Variants in SPMIP7 observed in about 807,000 individuals in gnomAD.
SPMIP7 encodes the protein sperm microtubule inner protein 7, also known as protein SPMIP7.
the SPMIP7 span, among the ~76,000 whole-genome samples, chr7:50,131,961 A>T: frequency 6.6e-6 from 1 of 152,156 alleles, no homozygotes; most frequent in Non-Finnish European, 1.5e-5. Flanking sequence ...TATTTTGAAC[A>T]CTTCAGACAG....
chr7:50,127,996 G>A, the SPMIP7 span, among the ~76,000 whole-genome samples: 4 of 151,804 alleles, frequency 2.6e-5, no homozygotes, highest in African/African-American at 7.2e-5. Flanking sequence ...ACAATATATC[G>A]AAAAGATATC....
chr7:50,104,452 A>G, the SPMIP7 span: 1 of 777,810 alleles, frequency 1.3e-6, no homozygotes, highest in Non-Finnish European at 1.8e-6. Context: ...TAATTAGTTT[A>G]TTTCATTGTA....
At chr7:50,116,787 G>A in the SPMIP7 span, among the ~76,000 whole-genome samples, 1 of 152,208 alleles carries the variant, frequency 6.6e-6, no homozygotes, top group Admixed American at 6.5e-5. Flanking sequence ...AAATAACTAA[G>A]ACTATTCTTA....
chr7:50,139,122 A>G, the SPMIP7 span, among the ~76,000 whole-genome samples: 125,058 of 151,952 alleles, frequency 0.82, 51,500 homozygotes, highest in East Asian at 0.92. Context: ...AGGCCGAGGC[A>G]GGCAGATCAC....
At chr7:50,124,720 A>T in the SPMIP7 span, among the ~76,000 whole-genome samples, 1 of 152,192 alleles carries the variant, frequency 6.6e-6, no homozygotes, top group Non-Finnish European at 1.5e-5. Context: ...AATGCAGTTA[A>T]AACTCTGCTA....
At chr7:50,107,911 G>T in the SPMIP7 span, among the ~76,000 whole-genome samples, 1 of 152,058 alleles carries the variant, frequency 6.6e-6, no homozygotes, top group Admixed American at 6.5e-5. Flanking sequence ...ACATAAGAAT[G>T]GAAAAAGGAA....
chr7:50,103,075 A>AT, the SPMIP7 span, among the ~76,000 whole-genome samples: 1 of 148,060 alleles, frequency 6.8e-6, no homozygotes, highest in Non-Finnish European at 1.5e-5. Context: ...TAATATATAT[A>AT]ATATTAGATA....
chr7:50,137,254 A>C, the SPMIP7 span, among the ~76,000 whole-genome samples: 1 of 152,182 alleles, frequency 6.6e-6, no homozygotes, highest in Non-Finnish European at 1.5e-5. Context: ...TAACTATATA[A>C]TACAAAAATT....
chr7:50,137,688 A>G, the SPMIP7 span, among the ~76,000 whole-genome samples: 6 of 151,890 alleles, frequency 4.0e-5, no homozygotes, highest in African/African-American at 1.5e-4. Flanking sequence ...TTTTCAGATA[A>G]AAAAAAATCC....
chr7:50,151,687 AGTCC>A, the SPMIP7 span: 1 of 635,264 alleles, frequency 1.6e-6, no homozygotes, highest in Admixed American at 3.8e-5. Flanking sequence ...TGTGGCATCA[AGTCC>A]GAAACAGAAA....
chr7:50,105,112 G>A, the SPMIP7 span, among the ~76,000 whole-genome samples: 1 of 152,098 alleles, frequency 6.6e-6, no homozygotes, highest in Non-Finnish European at 1.5e-5. Flanking sequence ...ATCTTCCTGT[G>A]TAGATTTTAT....
the SPMIP7 span, among the ~76,000 whole-genome samples, chr7:50,135,093 T>C: frequency 3.3e-5 from 5 of 152,216 alleles, no homozygotes; most frequent in African/African-American, 1.2e-4. Context: ...CCAGGTTGTG[T>C]GCTTTGCAAA....
At chr7:50,154,894 A>G in the SPMIP7 span, among the ~76,000 whole-genome samples, 1 of 152,292 alleles carries the variant, frequency 6.6e-6, no homozygotes, top group South Asian at 2.1e-4. Flanking sequence ...AGCCATTCTA[A>G]TTGGTGTGAG....
chr7:50,104,282 CA>C, the SPMIP7 span: 1 of 1,223,482 alleles, frequency 8.2e-7, no homozygotes, highest in Non-Finnish European at 1.1e-6. Context: ...TGTTTTTAAC[CA>C]AAATCCCATT....
chr7:50,136,833 G>A, the SPMIP7 span, among the ~76,000 whole-genome samples: 3 of 151,860 alleles, frequency 2.0e-5, no homozygotes, highest in Admixed American at 1.3e-4. Flanking sequence ...CCACAACACA[G>A]GTTATCATCT....
the SPMIP7 span, among the ~76,000 whole-genome samples, chr7:50,102,989 T>TGTAA: frequency 6.8e-6 from 1 of 147,940 alleles, no homozygotes; most frequent in Non-Finnish European, 1.5e-5. Flanking sequence ...TGTATATACT[T>TGTAA]GTAAGTATAT....
the SPMIP7 span, among the ~76,000 whole-genome samples, chr7:50,132,639 A>C: frequency 2.0e-5 from 3 of 152,152 alleles, no homozygotes; most frequent in Admixed American, 1.3e-4. Context: ...TCTTACATAC[A>C]ATACTAGTCA....
At chr7:50,158,882 C>T in the SPMIP7 span, among the ~76,000 whole-genome samples, 2 of 152,172 alleles carry the variant, frequency 1.3e-5, no homozygotes, top group Non-Finnish European at 2.9e-5. Flanking sequence ...GAGGTGCAAT[C>T]CCTGCAGCTG....
chr7:50,105,928 A>G, the SPMIP7 span, among the ~76,000 whole-genome samples: 3 of 152,192 alleles, frequency 2.0e-5, no homozygotes, highest in Non-Finnish European at 4.4e-5. Flanking sequence ...TGCCTTTTTA[A>G]AAAACCTATG....
Sources: gnomAD v4.1 joint callset for allele counts (sites outside exome capture counted in the v4.1 genomes callset) on GRCh38, gnomAD v4.1.1 for gene constraint, MANE v1.5 for transcripts, NCBI Gene and HGNC (gene_info 2026-07-23, HGNC 2026-07-21) for gene names.